Variants in NOD2 observed in about 807,000 individuals in gnomAD.
NOD2 encodes nucleotide-binding oligomerization domain-containing protein 2.
A neutral mutation model predicts 90.9 loss-of-function variants in NOD2; 86 were observed. That is an observed-to-expected ratio of 0.95 (90% confidence interval 0.79 to 1.13). The LOEUF is 1.13. Among genes scored for constraint, NOD2 ranks in the 50% most tolerant of loss-of-function variants. The probability of loss-of-function intolerance (pLI) is 0.00; values close to 1 mark genes in which losing one functional copy is unlikely to be tolerated. For synonymous variants in NOD2, 581 were observed against 554.6 expected, an observed-to-expected ratio of 1.05 and a Z score of -0.67; for missense variants, 1,238 against 1,283.8, an observed-to-expected ratio of 0.96 and a Z score of 0.55.
At chr16:50,713,974 A>G (rs1964663773) in intron 4 of NOD2, among the ~76,000 whole-genome samples, 1 of 152,226 alleles carries the variant, frequency 6.6e-6, no homozygotes, top group Non-Finnish European at 1.5e-5. Flanking sequence ...GAAAACAGCC[A>G]GCACCAAACT....
Position 50,711,494 on chromosome 16 carries a change from C to CA in NOD2, c.1503dup (p.Asp502ArgfsTer50). 6.2e-7 allele frequency: 1 copy of CA among 1,613,378 alleles called. No homozygotes were observed. Among genetic ancestry groups the CA allele is most frequent in the Non-Finnish European group, 8.5e-7 (1 of 1,179,960 alleles). On this transcript the variant is annotated frameshift_variant, in exon 4 of 12. Transcript: ENST00000647318. LOFTEE classifies it high-confidence loss of function. ...CATTTTCTGCTGCATGCCACCCCCC[C>CA]AGACTCAGCTTCCCAAGGTCTGGGA...
chr16:50,721,366 GTTTT>G (rs34103974), intron 7 of NOD2, among the ~76,000 whole-genome samples: 1 of 143,244 alleles, frequency 7.0e-6, no homozygotes, highest in Non-Finnish European at 1.5e-5. Context: ...AACTTGCTTG[GTTTT>G]TTTTTTTGTT....
In NOD2 at chr16:50,699,594, G is replaced by A; in HGVS notation, c.99G>A (p.Leu33=). The change falls in exon 2 of 12, where the codon CTG becomes CTA. Residue 33 remains leucine (L), a synonymous_variant. Coordinates refer to ENST00000647318, the MANE Select transcript of NOD2 (RefSeq NM_001370466.1). The part of the protein sequence containing the change: ...LEGFESVLDW[L]LSWEVLSWED... ...GCTTCGAGAGTGTCCTGGACTGGCT[G>A]CTGTCCTGGGAGGTCCTCTCCTGGG... is the stretch of plus-strand genomic sequence containing the variant. 1 of 1,614,046 alleles carries A rather than the reference G, an allele frequency of 6.2e-7. No individual in the cohort carries two copies. The highest frequency in any genetic ancestry group is 8.5e-7 in the Non-Finnish European group (1 of 1,179,960).
rs932418376 is a variant in NOD2, at chr16:50,723,035, C to T, written c.2718-266C>T. On this transcript the variant is annotated intron_variant, in intron 8 of 11. Transcript: ENST00000647318. ...CATTAAAAAGAATTCTAAGGCTGCACCTGGGCTTAAAGAAGAGCACTATAA... is the reference window on the plus strand; with the variant it reads ...CATTAAAAAGAATTCTAAGGCTGCATCTGGGCTTAAAGAAGAGCACTATAA... Among the ~76,000 whole-genome samples, 5 of 142,382 alleles carry T rather than the reference C, an allele frequency of 3.5e-5. No homozygotes were observed. In the East Asian group the frequency reaches 8.2e-4, roughly 23 times the overall value. The allele number at this position is 142,382 out of a possible 152,430, so 93.4% of individuals were successfully genotyped here.
In NOD2 at chr16:50,707,728, G is replaced by A. The variant is rs5743268; in HGVS notation, c.460-127G>A. 577 of 753,564 alleles carry A rather than the reference G, an allele frequency of 7.7e-4. 2 individuals carry two copies. In the African/African-American group the frequency reaches 8.9e-3, roughly 12 times the overall value. 46.7% of individuals were successfully genotyped at this position (753,564 alleles called of 1,614,324 possible). On this transcript the variant is annotated intron_variant, in intron 2 of 11. Transcript: ENST00000647318. ...CTACTTGAAACTCATGTGGTTGTTC[G>A]GTTGTTTTTTTGACCTTTTATTCTG...
At chr16:50,720,207 A>C (rs1011089765) in intron 7 of NOD2, among the ~76,000 whole-genome samples, 199 bp downstream of exon 7, 2 of 152,236 alleles carry the variant, frequency 1.3e-5, no homozygotes, top group East Asian at 3.9e-4. Context: ...GAAGTTTGGG[A>C]TGTTGGGGCT....
At chr16:50,719,651 C>G in intron 6 of NOD2, 1 of 591,074 alleles carries the variant, frequency 1.7e-6, no homozygotes, top group East Asian at 3.5e-5. Flanking sequence ...GGGAAACCAC[C>G]TCCCAGGACA....
rs1963881170 is a variant in NOD2, at chr16:50,700,288, A to G, written c.459+334A>G. On this transcript the variant is annotated intron_variant, in intron 2 of 11. Coordinates refer to ENST00000647318, the MANE Select transcript of NOD2 (RefSeq NM_001370466.1). Reference sequence around the variant, plus strand: ...GGCTGCTGTACCACCATGAACAGCTAATTTTTTTTTTTTCTTTTAGAGATG... The same window carrying G: ...GGCTGCTGTACCACCATGAACAGCTGATTTTTTTTTTTTCTTTTAGAGATG... Among the ~76,000 whole-genome samples the G allele has an allele frequency of 2.0e-5, 3 of 151,078 alleles. No homozygotes were observed. In the South Asian group the frequency reaches 6.2e-4, roughly 31 times the overall value.
chr16:50,722,817 C>A, intron 8 of NOD2, 112 bp downstream of exon 8: 1 of 981,736 alleles, frequency 1.0e-6, no homozygotes, highest in Non-Finnish European at 1.6e-6. Flanking sequence ...CAATGTTAGG[C>A]AATGGAGTAA....
Position 50,711,424 on chromosome 16 carries a change from G to T in NOD2, c.1432G>T (p.Gly478Trp), listed in dbSNP as rs749451506. 13 of 1,613,542 alleles carry T rather than the reference G, an allele frequency of 8.1e-6. No individual in the cohort carries two copies. The highest frequency in any genetic ancestry group is 2.2e-5 in the South Asian group (2 of 91,082). Reference protein sequence around the residue: ...CHQELLLQEGGSPKTTTDMYL... With the variant: ...CHQELLLQEGWSPKTTTDMYL... ...CCAGGAACTGTTGCTGCAGGAGGGGGGGTCCCCAAAGACCACTACAGATAT... is the reference window on the plus strand; with the variant it reads ...CCAGGAACTGTTGCTGCAGGAGGGGTGGTCCCCAAAGACCACTACAGATAT... The change falls in exon 4 of 12, where the codon GGG becomes TGG. Residue 478 changes from glycine (G) to tryptophan (W), a missense_variant. Gly to Trp is a radical substitution (Grantham distance 184). This residue lies in a region of NOD2 where 667 missense variants were observed against 688.7 expected (regional missense o/e 0.97). Transcript: ENST00000647318.
intron 1 of NOD2, chr16:50,696,325 G>A (rs867166293): frequency 2.6e-5 from 4 of 152,258 alleles, no homozygotes; most frequent in African/African-American, 9.6e-5. Flanking sequence ...GTCGCCCCTT[G>A]ACCCTCTCTT....
At chr16:50,713,843 C>A (rs1964656907) in intron 4 of NOD2, among the ~76,000 whole-genome samples, 2 of 152,204 alleles carry the variant, frequency 1.3e-5, no homozygotes, top group Admixed American at 6.5e-5. Context: ...CAGCGCCTTC[C>A]ACCAGCTGGA....
rs764525298 is a variant in NOD2 at position 50,711,260 on chromosome 16, A to T, written c.1268A>T (p.Gln423Leu). 1.2e-6 allele frequency: 2 copies of T among 1,613,868 alleles called. No individual in the cohort carries two copies. Among genetic ancestry groups the T allele is most frequent in the Non-Finnish European group, 1.7e-6 (2 of 1,180,008 alleles). ...TEFNLKGFSE[Q>L]GIELYLRKRH... ...TTCAACCTCAAGGGCTTCTCTGAAC[A>T]GGGCATCGAGCTGTACCTGAGGAAG... The change falls in exon 4 of 12, where the codon CAG becomes CTG. Residue 423 changes from glutamine (Q) to leucine (L), a missense_variant. Coordinates refer to ENST00000647318, the MANE Select transcript of NOD2 (RefSeq NM_001370466.1).
Position 50,732,469 on chromosome 16 carries a change from G to A in NOD2, c.*650G>A, listed in dbSNP as rs1308998383. The A allele has an allele frequency of 6.5e-6, 1 of 154,852 alleles. No homozygotes were observed. The highest frequency in any genetic ancestry group is 1.9e-4 in the East Asian group (1 of 5,362). 9.6% of individuals were successfully genotyped at this position (154,852 alleles called of 1,614,324 possible). ...ACACCTTAGCCTGCCCTCCTTTCCGGTGTTTAAGACATTTTTGGAAGGGGA... is the reference window on the plus strand; with the variant it reads ...ACACCTTAGCCTGCCCTCCTTTCCGATGTTTAAGACATTTTTGGAAGGGGA... On this transcript the variant is annotated 3_prime_UTR_variant, in exon 12 of 12. Transcript: ENST00000647318.
chr16:50,704,198 T>C (rs1370185313), intron 2 of NOD2, among the ~76,000 whole-genome samples: 1 of 152,216 alleles, frequency 6.6e-6, no homozygotes, highest in Non-Finnish European at 1.5e-5. Context: ...TCCATTTTGT[T>C]TGAACTGGTG....
At chr16:50,705,206 C>G (rs1567385279) in intron 2 of NOD2, among the ~76,000 whole-genome samples, 1 of 152,110 alleles carries the variant, frequency 6.6e-6, no homozygotes, top group Non-Finnish European at 1.5e-5. Context: ...GTAGGTTTGA[C>G]TGATTCTTTT....
chr16:50,727,223 C>T (rs1357677126), intron 10 of NOD2, among the ~76,000 whole-genome samples: 1 of 151,988 alleles, frequency 6.6e-6, no homozygotes, highest in South Asian at 2.1e-4. Flanking sequence ...GGGTCTTACC[C>T]CTGCTCCACC....
In NOD2 at chr16:50,703,519, G is replaced by A. The variant is rs187656790; in HGVS notation, c.459+3565G>A. ...CCAAGAATAGTGGCATGTGCCTGTA[G>A]TCCCAGCTACTCGGGAGGCTGAGGC... On this transcript the variant is annotated intron_variant, in intron 2 of 11. Transcript: ENST00000647318. 3.3e-5 allele frequency among the ~76,000 whole-genome samples: 5 copies of A among 151,836 alleles called. No individual in the cohort carries two copies. In the East Asian group the frequency reaches 9.7e-4, roughly 29 times the overall value.
At chr16:50,701,987 G>A (rs1326416809) in intron 2 of NOD2, among the ~76,000 whole-genome samples, 1 of 152,144 alleles carries the variant, frequency 6.6e-6, no homozygotes, top group Non-Finnish European at 1.5e-5. Context: ...GTGTCACCCA[G>A]GCTGCTGGAG....
Sources: gnomAD v4.1 joint callset for allele counts (sites outside exome capture counted in the v4.1 genomes callset) on GRCh38, gnomAD v4.1.1 for gene constraint, gnomAD v4.1.1 regional missense constraint, MANE v1.5 for transcripts, NCBI Gene and HGNC (gene_info 2026-07-23, HGNC 2026-07-21) for gene names.